Variants in CAMSAP1 observed in about 807,000 individuals in gnomAD.
CAMSAP1 encodes the protein calmodulin regulated spectrin associated protein 1.
CAMSAP1 carries 58 observed loss-of-function variants against 143.5 expected under a neutral mutation model. The observed-to-expected ratio is 0.40, with a 90% CI of 0.33 to 0.50. The LOEUF is 0.50. Among genes scored for constraint, CAMSAP1 ranks in the 20% least tolerant of loss-of-function variants. CAMSAP1 has a pLI of 0.45. For missense variants in CAMSAP1, 1,969 were observed against 2,115.7 expected, an observed-to-expected ratio of 0.93 and a Z score of 1.36; for synonymous variants, 945 against 859.3, an observed-to-expected ratio of 1.10 and a Z score of -1.74.
chr9:135,824,773 G>A lies in CAMSAP1; in HGVS notation c.1315+16C>T. ...AAGGAGAAATTAAGGAAAAAAGGAG[G>A]AAACAACATTCTTACCAGGGATGTC... On this transcript the variant is annotated intron_variant, in intron 9 of 16. Coordinates refer to ENST00000389532, the MANE Select transcript of CAMSAP1 (RefSeq NM_015447.4). The surrounding 1 kb of genome is among the most constrained non-coding windows in gnomAD (Gnocchi z 4.1). The A allele has an allele frequency of 2.7e-6, 4 of 1,507,770 alleles. No homozygotes were observed. Among genetic ancestry groups the A allele is most frequent in the Non-Finnish European group, 3.6e-6 (4 of 1,121,196 alleles). 93.4% of individuals were successfully genotyped at this position (1,507,770 alleles called of 1,614,324 possible).
chr9:135,890,019 A>G (rs1427614056), intron 1 of CAMSAP1, among the ~76,000 whole-genome samples: 3 of 152,212 alleles, frequency 2.0e-5, no homozygotes, highest in South Asian at 4.1e-4. Context: ...AAAGGTGGGC[A>G]AAGGAGCATG....
intron 3 of CAMSAP1, among the ~76,000 whole-genome samples, chr9:135,872,644 G>A (rs1837606611): frequency 6.6e-6 from 1 of 152,102 alleles, no homozygotes; most frequent in Admixed American, 6.5e-5. Flanking sequence ...ACAACAAGAG[G>A]TTAAAAGTTA....
intron 7 of CAMSAP1, among the ~76,000 whole-genome samples, chr9:135,844,253 C>G (rs1836471461): frequency 6.6e-6 from 1 of 152,198 alleles, no homozygotes; most frequent in Non-Finnish European, 1.5e-5. Flanking sequence ...CAAACAATCT[C>G]TCAGACCAAA....
intron 7 of CAMSAP1, among the ~76,000 whole-genome samples, chr9:135,845,451 C>T (rs563907256): frequency 9.9e-5 from 15 of 152,238 alleles, no homozygotes; most frequent in South Asian, 6.2e-4. Flanking sequence ...CTTTGAAAAC[C>T]GGTACAAGAC....
At chr9:135,829,988 A>G (rs766260897) in intron 7 of CAMSAP1, among the ~76,000 whole-genome samples, 9 of 152,202 alleles carry the variant, frequency 5.9e-5, no homozygotes, top group South Asian at 2.1e-4. Context: ...GGTCTTGCAT[A>G]TAAGTGAAGG....
At chr9:135,827,996 C>T (rs1050036843) in intron 7 of CAMSAP1, among the ~76,000 whole-genome samples, 15 of 152,250 alleles carry the variant, frequency 9.9e-5, no homozygotes, top group African/African-American at 3.6e-4. Flanking sequence ...TCCAGAGAGC[C>T]ACCTCGCTCA....
chr9:135,903,630 A>G (rs773783666), intron 1 of CAMSAP1, among the ~76,000 whole-genome samples: 5 of 152,250 alleles, frequency 3.3e-5, no homozygotes, highest in Non-Finnish European at 5.9e-5. Context: ...CAGGCTTTCA[A>G]TGCTTTCAAT....
At chr9:135,816,083 G>A (rs1031572805) in intron 14 of CAMSAP1, 78 bp from the exon 15 acceptor site, 23 of 1,339,662 alleles carry the variant, frequency 1.7e-5, no homozygotes, top group East Asian at 1.6e-4. Context: ...GGGCTGGCCC[G>A]CAACCAGGAC....
chr9:135,854,874 T>G (rs1213213751), intron 5 of CAMSAP1, among the ~76,000 whole-genome samples: 1 of 152,156 alleles, frequency 6.6e-6, no homozygotes, highest in Non-Finnish European at 1.5e-5. Context: ...ACCCAGGAAT[T>G]AAGTCCAGTA....
At chr9:135,871,498 T>C (rs1306548479) in intron 3 of CAMSAP1, among the ~76,000 whole-genome samples, 1 of 152,206 alleles carries the variant, frequency 6.6e-6, no homozygotes, top group African/African-American at 2.4e-5. Context: ...TCTAATTTGT[T>C]TTGAAAAATA....
chr9:135,905,043 G>A (rs1003372125), intron 1 of CAMSAP1, among the ~76,000 whole-genome samples: 5 of 151,970 alleles, frequency 3.3e-5, no homozygotes, highest in Non-Finnish European at 7.4e-5. Flanking sequence ...CCACCAGTAA[G>A]GGGCACTCCA....
intron 7 of CAMSAP1, among the ~76,000 whole-genome samples, chr9:135,834,269 G>A (rs986414989): frequency 6.6e-6 from 1 of 152,180 alleles, no homozygotes; most frequent in African/African-American, 2.4e-5. Flanking sequence ...ACTGAAAACA[G>A]AATTACCATA....
intron 7 of CAMSAP1, among the ~76,000 whole-genome samples, chr9:135,830,055 A>G (rs182391898): frequency 5.6e-4 from 85 of 152,222 alleles, no homozygotes; most frequent in African/African-American, 1.9e-3. Flanking sequence ...CTAGGTAATG[A>G]CTACTGAAGT....
intron 1 of CAMSAP1, among the ~76,000 whole-genome samples, chr9:135,889,792 G>GCTTA (rs1838231720): frequency 6.6e-6 from 1 of 152,204 alleles, no homozygotes; most frequent in African/African-American, 2.4e-5. Flanking sequence ...CAAACTCTAA[G>GCTTA]GCCAGAGGCT....
intron 1 of CAMSAP1, among the ~76,000 whole-genome samples, chr9:135,890,282 A>G (rs1274704274): frequency 1.3e-5 from 2 of 152,002 alleles, no homozygotes; most frequent in Non-Finnish European, 2.9e-5. Context: ...GAGGCTATAC[A>G]CACACAACTC....
In CAMSAP1 at chr9:135,861,211, G is replaced by A. The variant is rs76167629; in HGVS notation, c.808+1256C>T. Among the ~76,000 whole-genome samples the A allele has an allele frequency of 7.6e-3, 1,156 of 152,230 alleles. 7 individuals are homozygous for A. The highest frequency in any genetic ancestry group is 0.023 in the African/African-American group (943 of 41,522). The stretch of plus-strand genomic sequence containing the variant: ...AGGGCCAAACGAACATGGAAACTCA[G>A]GCCCAAGGGGCCCCAGGGCACCTAC... On this transcript the variant is annotated intron_variant, in intron 5 of 16. Transcript: ENST00000389532.
rs1359007565 is a variant in CAMSAP1, at chr9:135,808,877, G to GA, written c.*2431dup. 6.6e-6 allele frequency: 1 copy of GA among 152,168 alleles called. No individual in the cohort carries two copies. Among genetic ancestry groups the GA allele is most frequent in the Non-Finnish European group, 1.5e-5 (1 of 68,040 alleles). The allele number at this position is 152,168 out of a possible 1,614,324, so 9.4% of individuals were successfully genotyped here. ...TTACACATAAACTTCATCATACATT[G>GA]AATCATTTGGTTTACACTTTCTTTA... On this transcript the variant is annotated 3_prime_UTR_variant, in exon 17 of 17. Coordinates refer to ENST00000389532, the MANE Select transcript of CAMSAP1 (RefSeq NM_015447.4).
intron 1 of CAMSAP1, 149 bp downstream of exon 1, chr9:135,906,851 A>T: frequency 3.0e-6 from 1 of 332,864 alleles, no homozygotes; most frequent in Non-Finnish European, 4.3e-6. Context: ...CGCCGCCAGG[A>T]CCTCGGAGGC....
chr9:135,832,830 T>C (rs918319198), intron 7 of CAMSAP1, among the ~76,000 whole-genome samples: 1 of 152,054 alleles, frequency 6.6e-6, no homozygotes, highest in Non-Finnish European at 1.5e-5. Flanking sequence ...ATATAACCAA[T>C]GAGTAAAAGA....
Sources: gnomAD v4.1 joint callset for allele counts (sites outside exome capture counted in the v4.1 genomes callset) on GRCh38, gnomAD v4.1.1 for gene constraint, Gnocchi (gnomAD v3.1) non-coding constraint, MANE v1.5 for transcripts, NCBI Gene and HGNC (gene_info 2026-07-23, HGNC 2026-07-21) for gene names.